The following CYB5B variants were observed in gnomAD, a reference collection of about 807,000 sequenced individuals.
CYB5B encodes cytochrome b5 type B (outer mitochondrial membrane).
Under a neutral mutation model 21.3 loss-of-function variants are expected in CYB5B, and 14 were observed. That is an observed-to-expected ratio of 0.66 (90% CI 0.43 to 1.03). The LOEUF is 1.03. Ranked by LOEUF, CYB5B falls within the 50% of genes least tolerant of loss-of-function variation. The pLI is 0.00. For synonymous variants in CYB5B, 69 were observed against 68.4 expected, an observed-to-expected ratio of 1.01 and a Z score of -0.04; for missense variants, 166 against 185.1, an observed-to-expected ratio of 0.90 and a Z score of 0.60.
intron 1 of CYB5B, among the ~76,000 whole-genome samples, chr16:69,440,198 C>T (rs2014805892): frequency 6.6e-6 from 1 of 152,266 alleles, no homozygotes. Flanking sequence ...TTTAAGTGTA[C>T]AATTCAATTG....
In CYB5B at chr16:69,424,826, G is replaced by A; in HGVS notation, c.143G>A (p.Arg48Gln). Residue 48 changes from arginine (R) to glutamine (Q), a missense_variant, in exon 1 of 5, where the codon CGA (arginine) becomes CAA (glutamine). Coordinates refer to ENST00000307892, the MANE Select transcript of CYB5B (RefSeq NM_030579.3). ...GAACTGTGGCTTGTGATCCATGGGC[G>A]AGTCTACGATGTCACCCGCTTCCTC... ...LKELWLVIHG[R>Q]VYDVTRFLNE... 1 of 1,599,320 alleles carries A rather than the reference G, an allele frequency of 6.3e-7. No individual in the cohort carries two copies. The highest frequency in any genetic ancestry group is 8.5e-7 in the Non-Finnish European group (1 of 1,172,724).
At chr16:69,435,899 A>G (rs1597280777) in intron 1 of CYB5B, among the ~76,000 whole-genome samples, 1 of 152,168 alleles carries the variant, frequency 6.6e-6, no homozygotes, top group East Asian at 1.9e-4. Flanking sequence ...TCAGCCTCCC[A>G]AATGCTGGGA....
intron 1 of CYB5B, among the ~76,000 whole-genome samples, chr16:69,445,925 C>CAAG (rs1242955086): frequency 2.0e-5 from 3 of 151,842 alleles, no homozygotes; most frequent in Non-Finnish European, 2.9e-5. Context: ...CATTGCACTT[C>CAAG]AGCCTGGGCA....
chr16:69,461,293 A>T (rs1226405243), intron 4 of CYB5B, among the ~76,000 whole-genome samples: 1 of 151,860 alleles, frequency 6.6e-6, no homozygotes, highest in East Asian at 1.9e-4. Flanking sequence ...TCTTGCGGTT[A>T]CTCTTCAAGG....
chr16:69,459,070 ATT>A (rs34120910), intron 3 of CYB5B, 21 bp from the exon 4 acceptor site: 297 of 1,365,076 alleles, frequency 2.2e-4, no homozygotes, highest in East Asian at 6.5e-4. Flanking sequence ...TTATTTTTGA[ATT>A]TTTTTTTTTT....
At position 69,462,561 on chromosome 16, in the gene CYB5B, C is replaced by G. The variant is rs761237649; in HGVS notation, c.*41C>G. 6.5e-7 allele frequency: 1 copy of G among 1,533,058 alleles called. No homozygotes were observed. Among genetic ancestry groups the G allele is most frequent in the African/African-American group, 1.4e-5 (1 of 73,340 alleles). 95.0% of individuals were successfully genotyped at this position (1,533,058 alleles called of 1,614,324 possible). A position where few individuals can be genotyped will look rare whatever the true frequency, so the allele number is the denominator to read the frequency against. ...GTTAGAAAGTGCATCCACTTTGGGG[C>G]GAAAACTAGAGACTTGCTTGGGGGC... is the stretch of plus-strand genomic sequence containing the variant. On this transcript the variant is annotated 3_prime_UTR_variant, in exon 5 of 5. Transcript: ENST00000307892.
chr16:69,462,049 A>G (rs538823346), intron 4 of CYB5B, among the ~76,000 whole-genome samples: 5 of 152,228 alleles, frequency 3.3e-5, no homozygotes, highest in Non-Finnish European at 7.3e-5. Context: ...CACATACATA[A>G]TGGTGTTTTT....
chr16:69,433,644 C>T (rs1239023643), intron 1 of CYB5B, among the ~76,000 whole-genome samples: 1 of 152,068 alleles, frequency 6.6e-6, no homozygotes, highest in Admixed American at 6.6e-5. Context: ...ATTTTTTTCT[C>T]TAAATCAACT....
intron 1 of CYB5B, among the ~76,000 whole-genome samples, chr16:69,445,916 A>G (rs1414605341): frequency 6.6e-6 from 1 of 152,116 alleles, no homozygotes; most frequent in African/African-American, 2.4e-5. Flanking sequence ...AGATTGTGCC[A>G]TTGCACTTCA....
chr16:69,436,911 G>A (rs1344021069), intron 1 of CYB5B, among the ~76,000 whole-genome samples: 1 of 152,098 alleles, frequency 6.6e-6, no homozygotes, highest in Non-Finnish European at 1.5e-5. Context: ...TTAGTAATCT[G>A]GAAGTATTAT....
At chr16:69,440,362 T>C (rs2014807106) in intron 1 of CYB5B, among the ~76,000 whole-genome samples, 1 of 152,202 alleles carries the variant, frequency 6.6e-6, no homozygotes, top group Admixed American at 6.5e-5. Context: ...ATGAATTTAC[T>C]TTACATACTG....
chr16:69,460,402 AAC>A lies in CYB5B; in HGVS notation c.362+1285_362+1286del, dbSNP rs552836289. On this transcript the variant is annotated intron_variant, in intron 4 of 4. Coordinates refer to ENST00000307892, the MANE Select transcript of CYB5B (RefSeq NM_030579.3). ...GATTTAAGCACTTTACAGAAAAGGA[AAC>A]ACAAATGTAAACATATGGAAATGAG... Among the ~76,000 whole-genome samples the A allele has an allele frequency of 5.9e-5, 9 of 152,356 alleles. No individual in the cohort carries two copies. The East Asian group carries it at 1.5e-3, about 26-fold the overall frequency.
In CYB5B at chr16:69,464,403, A is replaced by G. The variant is rs2015066557; in HGVS notation, c.*1883A>G. ...AATATTGAAAAAAACTTTGGTTATT[A>G]TTTAACAAAAGTGGTATGACTTGAT... On this transcript the variant is annotated 3_prime_UTR_variant, in exon 5 of 5. Coordinates refer to ENST00000307892, the MANE Select transcript of CYB5B (RefSeq NM_030579.3). 6.6e-6 allele frequency: 1 copy of G among 152,206 alleles called. No homozygotes were observed. The highest frequency in any genetic ancestry group is 6.5e-5 in the Admixed American group (1 of 15,282). 9.4% of individuals were successfully genotyped at this position (152,206 alleles called of 1,614,324 possible).
intron 1 of CYB5B, among the ~76,000 whole-genome samples, chr16:69,434,068 A>C (rs2014733234): frequency 6.6e-6 from 1 of 152,216 alleles, no homozygotes; most frequent in Non-Finnish European, 1.5e-5. Context: ...ATTATGTGGC[A>C]CATAACTGTA....
At chr16:69,457,314 A>G (rs34926525) in intron 3 of CYB5B, among the ~76,000 whole-genome samples, 53,487 of 152,018 alleles carry the variant, frequency 0.35, 10,561 homozygotes, top group Admixed American at 0.46. Context: ...TATATGAAGT[A>G]TATGATTTTT....
chr16:69,435,760 C>T (rs1361374587), intron 1 of CYB5B, among the ~76,000 whole-genome samples: 3 of 152,104 alleles, frequency 2.0e-5, no homozygotes, highest in Non-Finnish European at 1.5e-5. Context: ...GCCTCAGCCT[C>T]CCGAGTACCT....
chr16:69,451,239 A>G (rs749430391), intron 3 of CYB5B, among the ~76,000 whole-genome samples: 5 of 152,002 alleles, frequency 3.3e-5, no homozygotes, highest in Non-Finnish European at 7.4e-5. Flanking sequence ...TTGACTTAAC[A>G]TTTTTCTGGT....
At chr16:69,437,574 A>G (rs1276001337) in intron 1 of CYB5B, among the ~76,000 whole-genome samples, 1 of 152,222 alleles carries the variant, frequency 6.6e-6, no homozygotes, top group African/African-American at 2.4e-5. Flanking sequence ...TTATAGATAT[A>G]TAAACCTAAC....
intron 3 of CYB5B, 126 bp downstream of exon 3, chr16:69,448,270 A>G (rs1172748186): frequency 7.9e-6 from 9 of 1,134,244 alleles, no homozygotes; most frequent in East Asian, 2.4e-5. Context: ...CAAAAATCCT[A>G]TTTTTCTGGA....
Sources: gnomAD v4.1 joint callset for allele counts (sites outside exome capture counted in the v4.1 genomes callset) on GRCh38, gnomAD v4.1.1 for gene constraint, MANE v1.5 for transcripts, NCBI Gene and HGNC (gene_info 2026-07-23, HGNC 2026-07-21) for gene names.